The following SUPT3H variants were observed in gnomAD, a reference collection of about 807,000 sequenced individuals.
The protein encoded by SUPT3H is transcription initiation protein SPT3 homolog.
SUPT3H carries 44 observed loss-of-function variants against 44.3 expected under a neutral mutation model. That is an observed-to-expected ratio of 0.99 (90% CI 0.78 to 1.28). SUPT3H has a LOEUF of 1.28. Among genes scored for constraint, SUPT3H ranks in the 50% most tolerant of loss-of-function variants. The pLI, the probability that SUPT3H is intolerant of heterozygous loss-of-function variation, is 0.00. For synonymous variants in SUPT3H, 124 were observed against 125.6 expected (o/e 0.99, Z 0.09); for missense variants, 380 against 387.1 (o/e 0.98, Z 0.15).
chr6:45,137,746 T>G (rs528675992), intron 2 of SUPT3H, among the ~76,000 whole-genome samples: 50 of 151,794 alleles, frequency 3.3e-4, no homozygotes, highest in Middle Eastern at 3.7e-3. Flanking sequence ...GATATAAGAT[T>G]GAGAATAAAC....
intron 2 of SUPT3H, among the ~76,000 whole-genome samples, chr6:45,190,601 GTAGA>G (rs1345660821): frequency 2.6e-5 from 4 of 152,030 alleles, no homozygotes. Flanking sequence ...TTTTGAAAAC[GTAGA>G]TAGTTTATAA....
intron 6 of SUPT3H, among the ~76,000 whole-genome samples, chr6:44,984,569 T>G (rs1327465427): frequency 2.0e-5 from 3 of 152,158 alleles, no homozygotes; most frequent in African/African-American, 7.2e-5. Context: ...ATTTAGCATC[T>G]TTGCGATCCC....
intron 2 of SUPT3H, among the ~76,000 whole-genome samples, chr6:45,331,819 A>C (rs1442839355): frequency 6.6e-6 from 1 of 151,988 alleles, no homozygotes; most frequent in East Asian, 1.9e-4. Context: ...AAAGAACAAA[A>C]TATTAATTTA....
At chr6:45,290,041 G>T (rs559839397) in intron 2 of SUPT3H, among the ~76,000 whole-genome samples, 1 of 151,960 alleles carries the variant, frequency 6.6e-6, no homozygotes, top group South Asian at 2.1e-4. Context: ...TTAGTCAGGC[G>T]TGGTGACACA....
intron 10 of SUPT3H, among the ~76,000 whole-genome samples, chr6:44,879,758 GC>G (rs1777914020): frequency 6.6e-6 from 1 of 152,188 alleles, no homozygotes; most frequent in Non-Finnish European, 1.5e-5. Flanking sequence ...CTGTTCTGCA[GC>G]CTCTGCTGGT....
intron 10 of SUPT3H, among the ~76,000 whole-genome samples, chr6:44,890,530 A>T (rs1186879571): frequency 6.9e-6 from 1 of 145,068 alleles, no homozygotes; most frequent in Admixed American, 7.1e-5. Context: ...GACACCGCAT[A>T]TTCTCACTCA....
rs1055307564 is a variant in SUPT3H, at chr6:44,939,204, T to C, written c.802-6441A>G. On this transcript the variant is annotated intron_variant, in intron 9 of 10. Transcript: ENST00000371459. Reference sequence around the variant, plus strand: ...CTTCAGTATGATGTTGGCTGTGGGTTTGTAGTATATGGCCTTTACTACTGT... The same window carrying C: ...CTTCAGTATGATGTTGGCTGTGGGTCTGTAGTATATGGCCTTTACTACTGT... Among the ~76,000 whole-genome samples, 3 of 152,190 alleles carry C rather than the reference T, an allele frequency of 2.0e-5. No homozygotes were observed. In the East Asian group the frequency reaches 5.8e-4, roughly 29 times the overall value.
chr6:45,015,951 G>C (rs957296616), intron 4 of SUPT3H, among the ~76,000 whole-genome samples: 5 of 151,864 alleles, frequency 3.3e-5, no homozygotes, highest in African/African-American at 1.2e-4. Context: ...TTTTTTATTG[G>C]TATATCTCAT....
intron 11 of SUPT3H, among the ~76,000 whole-genome samples, chr6:44,820,710 T>C (rs951180254): frequency 2.0e-5 from 3 of 152,094 alleles, no homozygotes; most frequent in Non-Finnish European, 4.4e-5. Context: ...AGTAACAAAA[T>C]AAACAGATCT....
intron 5 of SUPT3H, among the ~76,000 whole-genome samples, chr6:45,010,151 T>C (rs1299441603): frequency 6.6e-6 from 1 of 152,164 alleles, no homozygotes; most frequent in Non-Finnish European, 1.5e-5. Context: ...ATAGCTGATA[T>C]ATTAAAATAT....
chr6:45,261,959 A>G (rs1187077970), intron 2 of SUPT3H, among the ~76,000 whole-genome samples: 1 of 152,102 alleles, frequency 6.6e-6, no homozygotes, highest in Non-Finnish European at 1.5e-5. Context: ...CCAAATAAAA[A>G]ATGCAATCCC....
intron 10 of SUPT3H, among the ~76,000 whole-genome samples, chr6:44,859,892 G>C (rs1198984663): frequency 1.3e-5 from 2 of 152,054 alleles, no homozygotes; most frequent in African/African-American, 4.8e-5. Context: ...TATTCTCAAA[G>C]TAATAGGGCT....
chr6:45,013,369 C>T (rs1003403836), intron 5 of SUPT3H, among the ~76,000 whole-genome samples: 1 of 152,028 alleles, frequency 6.6e-6, no homozygotes, highest in Admixed American at 6.6e-5. Flanking sequence ...TGAACTTCCA[C>T]ACACTCTGTT....
intron 3 of SUPT3H, among the ~76,000 whole-genome samples, chr6:45,090,063 C>G (rs964544232): frequency 1.8e-4 from 27 of 152,006 alleles, no homozygotes; most frequent in Non-Finnish European, 3.5e-4. Context: ...TAATATCAAC[C>G]AATAGCTGAA....
intron 10 of SUPT3H, among the ~76,000 whole-genome samples, chr6:44,923,653 T>C (rs1307266548): frequency 6.6e-6 from 1 of 152,074 alleles, no homozygotes. Context: ...ACAGTCACTG[T>C]ATACCACAGA....
intron 3 of SUPT3H, among the ~76,000 whole-genome samples, chr6:45,049,818 C>T (rs1297097250): frequency 1.3e-5 from 2 of 152,120 alleles, no homozygotes; most frequent in East Asian, 3.9e-4. Context: ...TGATAATATA[C>T]TCTTAAAGCA....
At chr6:45,306,939 A>G (rs1037151928) in intron 2 of SUPT3H, among the ~76,000 whole-genome samples, 4 of 152,226 alleles carry the variant, frequency 2.6e-5, no homozygotes, top group African/African-American at 7.2e-5. Flanking sequence ...CGCTTTTCCA[A>G]TGATCTTAGC....
At chr6:44,900,672 T>C (rs181915766) in intron 10 of SUPT3H, among the ~76,000 whole-genome samples, 161 of 152,024 alleles carry the variant, frequency 1.1e-3, no homozygotes, top group Admixed American at 3.4e-3. Flanking sequence ...TTGAAGAGAG[T>C]AGTGGTTCTC....
chr6:45,249,701 C>A (rs1359044234), intron 2 of SUPT3H, among the ~76,000 whole-genome samples: 1 of 152,188 alleles, frequency 6.6e-6, no homozygotes, highest in East Asian at 1.9e-4. Flanking sequence ...TCCAACCTCA[C>A]TCAAGCCATG....
Sources: allele counts gnomAD v4.1 joint callset (sites outside exome capture counted in the v4.1 genomes callset), GRCh38; gene constraint gnomAD v4.1.1; transcripts MANE v1.5; gene names NCBI Gene and HGNC (gene_info 2026-07-23, HGNC 2026-07-21).